Variants in NEBL observed in about 807,000 individuals in gnomAD.
NEBL encodes LIM and SH3 protein 2.
In NEBL, 122 loss-of-function variants were observed where a neutral mutation model predicts 140.2. The observed-to-expected ratio is 0.87, with a 90% confidence interval of 0.75 to 1.01. NEBL has a LOEUF of 1.01. NEBL is among the 50% of genes least tolerant of loss of function. The pLI is 0.00. For synonymous variants in NEBL, 436 were observed against 398.9 expected (o/e 1.09, Z -1.11); for missense variants, 1,365 against 1,231.3 (o/e 1.11, Z -1.62).
In NEBL at chr10:21,029,327, A is replaced by G. The variant is rs147089790; in HGVS notation, c.165-9126T>C. 8.1e-4 allele frequency: 1,309 copies of G among 1,610,404 alleles called. 12 individuals are homozygous for G. In the African/African-American group the frequency reaches 0.015, roughly 18 times the overall value. On this transcript the variant is annotated intron_variant, in intron 2 of 6. Transcript: ENST00000417816. ...AACCTATCCTATGATGTGACAGAAG[A>G]GTCAATTAAGGAATTCTTTAGAGGA...
In NEBL at chr10:21,065,307, A is replaced by C. The variant is rs535102917; in HGVS notation, c.165-45106T>G. Among the ~76,000 whole-genome samples the C allele has an allele frequency of 3.3e-5, 5 of 152,344 alleles. 1 individual carries two copies. The highest frequency in any genetic ancestry group is 1.2e-4 in the African/African-American group (5 of 41,588). ...TGAACACACTTTGTTTAACCCACAA[A>C]TGAATAAAACTGTTGTTTTGTCTTC... On this transcript the variant is annotated intron_variant, in intron 2 of 6. Transcript: ENST00000417816.
intron 7 of NEBL, among the ~76,000 whole-genome samples, chr10:20,864,447 G>A (rs1287537219): frequency 6.6e-6 from 1 of 152,156 alleles, no homozygotes; most frequent in South Asian, 2.1e-4. Context: ...TTTGGTATGT[G>A]TTCCCACTAC....
chr10:21,240,445 C>G (rs1842424295), intron 3 of NEBL, among the ~76,000 whole-genome samples: 1 of 152,056 alleles, frequency 6.6e-6, no homozygotes, highest in African/African-American at 2.4e-5. Context: ...GAGTTCGAGA[C>G]CAGCCTGGCC....
At chr10:21,048,179 T>C (rs753084642) in intron 2 of NEBL, among the ~76,000 whole-genome samples, 5 of 152,204 alleles carry the variant, frequency 3.3e-5, no homozygotes, top group Non-Finnish European at 5.9e-5. Context: ...TTCAGTCTTG[T>C]TCTCCCCTCG....
chr10:20,920,813 C>G (rs1833545939), intron 4 of NEBL, among the ~76,000 whole-genome samples: 1 of 152,032 alleles, frequency 6.6e-6, no homozygotes, highest in Non-Finnish European at 1.5e-5. Context: ...CATTTGAAAT[C>G]AAATGGTACA....
chr10:20,794,517 T>C (rs1477995451), intron 26 of NEBL, among the ~76,000 whole-genome samples: 1 of 152,236 alleles, frequency 6.6e-6, no homozygotes, highest in African/African-American at 2.4e-5. Context: ...TGGTGAAATA[T>C]ACATACCATA....
intron 1 of NEBL, among the ~76,000 whole-genome samples, chr10:21,290,195 C>T (rs1843123653): frequency 6.6e-6 from 1 of 152,186 alleles, no homozygotes; most frequent in South Asian, 2.1e-4. Context: ...AACCACTCTC[C>T]CTGCTGTCAG....
chr10:20,823,324 C>T (rs376487908), intron 18 of NEBL, 24 bp from the exon 19 acceptor site: 107 of 1,508,642 alleles, frequency 7.1e-5, no homozygotes, highest in Non-Finnish European at 9.3e-5. Flanking sequence ...AAGAATATAA[C>T]GTTAACTTTA....
upstream of NEBL, among the ~76,000 whole-genome samples, chr10:20,900,373 G>A (rs1180377190): frequency 2.6e-5 from 4 of 152,154 alleles, no homozygotes; most frequent in Non-Finnish European, 5.9e-5. Flanking sequence ...TGAGTTGACA[G>A]AAGTTAATAA....
intron 11 of NEBL, among the ~76,000 whole-genome samples, chr10:20,845,672 A>G (rs1356415731): frequency 1.3e-5 from 2 of 152,094 alleles, no homozygotes; most frequent in Non-Finnish European, 2.9e-5. Context: ...AAGACTGGCT[A>G]TTTGACTGGA....
At chr10:20,933,505 G>A (rs929732584) in intron 4 of NEBL, among the ~76,000 whole-genome samples, 1 of 152,100 alleles carries the variant, frequency 6.6e-6, no homozygotes, top group Admixed American at 6.5e-5. Flanking sequence ...AGGACAAGGC[G>A]GGTGGATAAC....
chr10:21,213,189 T>C (rs1433738409), intron 3 of NEBL, among the ~76,000 whole-genome samples: 1 of 152,202 alleles, frequency 6.6e-6, no homozygotes, highest in Non-Finnish European at 1.5e-5. Flanking sequence ...TCACTAATAC[T>C]CAAAGAATGC....
At chr10:20,953,020 A>T (rs1244808247) in intron 4 of NEBL, among the ~76,000 whole-genome samples, 2 of 152,146 alleles carry the variant, frequency 1.3e-5, no homozygotes, top group African/African-American at 4.8e-5. Flanking sequence ...TGGATATTTC[A>T]AAGCACATTC....
At chr10:21,139,077 G>A (rs903189483) in intron 2 of NEBL, among the ~76,000 whole-genome samples, 1 of 152,054 alleles carries the variant, frequency 6.6e-6, no homozygotes, top group East Asian at 1.9e-4. Flanking sequence ...AAGAGAACAC[G>A]CTCAGTCATC....
chr10:21,003,043 C>T (rs1837977968), intron 3 of NEBL, among the ~76,000 whole-genome samples: 1 of 140,146 alleles, frequency 7.1e-6, no homozygotes, highest in South Asian at 2.4e-4. Flanking sequence ...CCCTAATATC[C>T]CATTTTCTCC....
chr10:21,175,250 T>C (rs938970473), upstream of NEBL, among the ~76,000 whole-genome samples: 1 of 152,180 alleles, frequency 6.6e-6, no homozygotes, highest in African/African-American at 2.4e-5. Context: ...AATTCTTTAA[T>C]CTACAAAATG....
chr10:20,894,616 T>C (rs368353419), intron 2 of NEBL, among the ~76,000 whole-genome samples: 2 of 151,844 alleles, frequency 1.3e-5, no homozygotes, highest in South Asian at 2.1e-4. Context: ...TATACAGATA[T>C]AAATTAAGCC....
At chr10:20,949,256 C>T (rs185588973) in intron 4 of NEBL, among the ~76,000 whole-genome samples, 3 of 152,028 alleles carry the variant, frequency 2.0e-5, no homozygotes, top group African/African-American at 7.2e-5. Flanking sequence ...CGAGAACACA[C>T]GGACACAGGG....
At chr10:21,242,170 G>A (rs1349444005) in intron 3 of NEBL, among the ~76,000 whole-genome samples, 2 of 151,968 alleles carry the variant, frequency 1.3e-5, no homozygotes, top group Admixed American at 6.6e-5. Flanking sequence ...CCACCACTGT[G>A]CTCCAGCCTG....
Sources: allele counts gnomAD v4.1 joint callset (sites outside exome capture counted in the v4.1 genomes callset), GRCh38; gene constraint gnomAD v4.1.1; transcripts MANE v1.5; gene names NCBI Gene and HGNC (gene_info 2026-07-23, HGNC 2026-07-21).